Variants in IL1RAPL1 observed in about 807,000 individuals in gnomAD.
The protein encoded by IL1RAPL1 is interleukin 1 receptor accessory protein like 1.
Under a neutral mutation model 48.4 loss-of-function variants are expected in IL1RAPL1, and 3 were observed. The observed-to-expected ratio is 0.06, with a 90% CI of 0.03 to 0.16. The LOEUF is 0.16. Ranked by LOEUF, IL1RAPL1 falls within the 10% of genes least tolerant of loss-of-function variation. The pLI is 1.00. For missense variants in IL1RAPL1, 349 were observed against 530.6 expected, an observed-to-expected ratio of 0.66 and a Z score of 3.36; for synonymous variants, 185 against 187.7, an observed-to-expected ratio of 0.99 and a Z score of 0.12.
rs1445577267 is a variant in IL1RAPL1 at position 29,124,295 on chromosome X, T to C, written c.83-158643T>C. Among the ~76,000 whole-genome samples the C allele has an allele frequency of 2.7e-5, 3 of 112,456 alleles. No individual in the cohort carries two copies. In the Admixed American group the frequency reaches 2.8e-4, roughly 11 times the overall value. ...AGGGGCATAGAAGGTACTAGAGCTC[T>C]ATGTATAAAATCCTGCCCTCTGGCC... is the stretch of plus-strand genomic sequence containing the variant. On this transcript the variant is annotated intron_variant, in intron 2 of 10. Coordinates refer to ENST00000378993, the MANE Select transcript of IL1RAPL1 (RefSeq NM_014271.4).
At chrX:28,837,682 CTTTTTTTT>C (rs58666924) in intron 2 of IL1RAPL1, among the ~76,000 whole-genome samples, 5 of 37,220 alleles carry the variant, frequency 1.3e-4, no homozygotes, top group Non-Finnish European at 1.8e-4. Context: ...CATTCCACTT[CTTTTTTTT>C]TTTTTTTTTT....
Position 29,081,027 on chromosome X carries a change from T to C in IL1RAPL1, c.83-201911T>C, listed in dbSNP as rs868306935. On this transcript the variant is annotated intron_variant, in intron 2 of 10. Coordinates refer to ENST00000378993, the MANE Select transcript of IL1RAPL1 (RefSeq NM_014271.4). The stretch of plus-strand genomic sequence containing the variant: ...CTCTCTCTCTCTCTCTCTCTTTCTT[T>C]TCTTTTCTTTTCTTTTCTTTTCTTT... Among the ~76,000 whole-genome samples, 216 of 75,778 alleles carry C rather than the reference T, an allele frequency of 2.9e-3. 4 individuals are homozygous for C. Among genetic ancestry groups the C allele is most frequent in the East Asian group, 7.6e-3 (19 of 2,513 alleles). 65.8% of individuals were successfully genotyped at this position (75,778 alleles called of 115,157 possible). A position where few individuals can be genotyped will look rare whatever the true frequency, so the allele number is the denominator to read the frequency against.
chrX:29,740,274 A>C lies in IL1RAPL1; in HGVS notation c.778+71770A>C, dbSNP rs144411159. 8.8e-3 allele frequency among the ~76,000 whole-genome samples: 981 copies of C among 111,487 alleles called. 10 individuals carry two copies. The highest frequency in any genetic ancestry group is 0.03 in the African/African-American group (934 of 30,707). ...AAGATCAGCTATAATCTCAGAACTT[A>C]ATATTTCACTTGTATAGAAGTTACT... On this transcript the variant is annotated intron_variant, in intron 6 of 10. Transcript: ENST00000378993.
intron 5 of IL1RAPL1, among the ~76,000 whole-genome samples, chrX:29,460,615 T>G (rs1350465230): frequency 8.9e-6 from 1 of 112,326 alleles, no homozygotes; most frequent in Non-Finnish European, 1.9e-5. Flanking sequence ...CCTCCTTGTA[T>G]GTGTACTAAT....
chrX:29,052,260 T>C, intron 2 of IL1RAPL1, among the ~76,000 whole-genome samples: 1 of 111,395 alleles, frequency 9.0e-6, no homozygotes. Context: ...TCCCACTAGT[T>C]ACTCCTAGGG....
At chrX:29,085,014 A>G (rs1927923478) in intron 2 of IL1RAPL1, among the ~76,000 whole-genome samples, 2 of 112,183 alleles carry the variant, frequency 1.8e-5, no homozygotes, top group South Asian at 7.3e-4. Context: ...TTTAATAAGC[A>G]TATATTGAAA....
chrX:29,555,635 CTT>C (rs1408353543), intron 5 of IL1RAPL1, among the ~76,000 whole-genome samples: 1 of 111,870 alleles, frequency 8.9e-6, no homozygotes, highest in Non-Finnish European at 1.9e-5. Context: ...ACATCTGTCT[CTT>C]TCAGTTCTTT....
At chrX:28,732,199 T>C (rs993428647) in intron 1 of IL1RAPL1, among the ~76,000 whole-genome samples, 2 of 112,353 alleles carry the variant, frequency 1.8e-5, no homozygotes, top group Admixed American at 1.9e-4. Context: ...AAGTTGTAAT[T>C]ATACCAAATT....
chrX:29,844,707 T>G (rs1931210220), intron 6 of IL1RAPL1, among the ~76,000 whole-genome samples: 1 of 112,516 alleles, frequency 8.9e-6, no homozygotes, highest in African/African-American at 3.2e-5. Context: ...GCATAGGTTA[T>G]GTGCAAACTA....
chrX:29,666,077 A>T lies in IL1RAPL1; in HGVS notation c.704-2353A>T, dbSNP rs760652639. ...CTTGATCTCTAAAATAATAGAGTTGAATCAGTCCAGTTTTTTTTTAAGTTA... is the reference window on the plus strand; with the variant it reads ...CTTGATCTCTAAAATAATAGAGTTGTATCAGTCCAGTTTTTTTTTAAGTTA... On this transcript the variant is annotated intron_variant, in intron 5 of 10. Transcript: ENST00000378993. Among the ~76,000 whole-genome samples, 261 of 111,247 alleles carry T rather than the reference A, an allele frequency of 2.3e-3. 1 individual carries two copies. Among genetic ancestry groups the T allele is most frequent in the African/African-American group, 8.2e-3 (253 of 30,784 alleles).
At chrX:28,824,253 G>A (rs1019760892) in intron 2 of IL1RAPL1, among the ~76,000 whole-genome samples, 12 of 110,797 alleles carry the variant, frequency 1.1e-4, no homozygotes, top group Admixed American at 2.9e-4. Flanking sequence ...CTCCAAAAGA[G>A]TAACCTAAAT....
intron 6 of IL1RAPL1, among the ~76,000 whole-genome samples, chrX:29,806,962 C>T (rs2147175351): frequency 9.1e-6 from 1 of 110,194 alleles, no homozygotes; most frequent in East Asian, 2.9e-4. Flanking sequence ...CCTGCTTCCC[C>T]TTTGCCTTCT....
intron 2 of IL1RAPL1, among the ~76,000 whole-genome samples, chrX:29,278,656 A>T (rs1448056302): frequency 1.8e-5 from 2 of 112,511 alleles, no homozygotes; most frequent in Non-Finnish European, 3.8e-5. Flanking sequence ...AAACAATAAC[A>T]ATAAAAGTTA....
chrX:29,196,596 C>A (rs985382110), intron 2 of IL1RAPL1, among the ~76,000 whole-genome samples: 1 of 110,859 alleles, frequency 9.0e-6, no homozygotes, highest in Non-Finnish European at 1.9e-5. Flanking sequence ...TCTTGTTAAC[C>A]CATCATTATT....
chrX:29,904,843 G>A (rs1932575455), intron 6 of IL1RAPL1, among the ~76,000 whole-genome samples: 1 of 111,989 alleles, frequency 8.9e-6, no homozygotes, highest in Non-Finnish European at 1.9e-5. Context: ...ACGTGTGCAT[G>A]CATCTTTATA....
At chrX:29,603,428 T>C (rs1341061938) in intron 5 of IL1RAPL1, among the ~76,000 whole-genome samples, 1 of 112,212 alleles carries the variant, frequency 8.9e-6, no homozygotes, top group Non-Finnish European at 1.9e-5. Context: ...AAGTGCATCA[T>C]TGTTAGCTGA....
chrX:29,787,533 G>A (rs1403791760), intron 6 of IL1RAPL1, among the ~76,000 whole-genome samples: 1 of 111,565 alleles, frequency 9.0e-6, no homozygotes, highest in Non-Finnish European at 1.9e-5. Context: ...AAGTGTCCTT[G>A]TAAGTAGTCA....
At chrX:29,378,044 GTT>G (rs201446497) in intron 3 of IL1RAPL1, among the ~76,000 whole-genome samples, 5 of 85,671 alleles carry the variant, frequency 5.8e-5, no homozygotes, top group African/African-American at 1.7e-4. Flanking sequence ...TTTCTTTGAG[GTT>G]TTTTTTTTTT....
intron 2 of IL1RAPL1, among the ~76,000 whole-genome samples, chrX:29,076,798 G>GTCTATCTATCTATCTATCTATCTATCTA (rs369681917): frequency 1.2e-5 from 1 of 85,302 alleles, no homozygotes; most frequent in Non-Finnish European, 2.3e-5. Context: ...CTGTCTGTCT[G>GTCTATCTATCTATCTATCTATCTATCTA]TCTGTCTATC....
Sources: gnomAD v4.1 joint callset for allele counts (sites outside exome capture counted in the v4.1 genomes callset) on GRCh38, gnomAD v4.1.1 for gene constraint, MANE v1.5 for transcripts, NCBI Gene and HGNC (gene_info 2026-07-23, HGNC 2026-07-21) for gene names.